PREX1: variants seen among roughly 807,000 people sequenced by gnomAD.
PREX1 encodes phosphatidylinositol 3,4,5-trisphosphate-dependent Rac exchanger 1 protein.
A neutral mutation model predicts 198.3 loss-of-function variants in PREX1; 41 were observed. The observed-to-expected ratio is 0.21, with a 90% CI of 0.16 to 0.27. PREX1 has a LOEUF of 0.27. Ranked by LOEUF, PREX1 falls within the 10% of genes least tolerant of loss-of-function variation. The pLI, the probability that PREX1 is intolerant of heterozygous loss-of-function variation, is 1.00. For missense variants in PREX1, 1,620 were observed against 2,200.7 expected, an observed-to-expected ratio of 0.74 and a Z score of 5.28; for synonymous variants, 843 against 887.2, an observed-to-expected ratio of 0.95 and a Z score of 0.89.
chr20:48,767,120 G>A (rs904993273), intron 1 of PREX1, among the ~76,000 whole-genome samples: 5 of 152,296 alleles, frequency 3.3e-5, no homozygotes, highest in East Asian at 1.9e-4. Flanking sequence ...CCTCGTCCGC[G>A]AAACGGGGAA....
In PREX1 at chr20:48,679,401, C is replaced by T. The variant is rs763369455; in HGVS notation, c.1548G>A (p.Arg516=). 6.2e-7 allele frequency: 1 copy of T among 1,613,450 alleles called. No homozygotes were observed. Among genetic ancestry groups the T allele is most frequent in the South Asian group, 1.1e-5 (1 of 91,012 alleles). The change falls in exon 13 of 40, where the codon AGG becomes AGA. Residue 516 remains arginine, a synonymous_variant. Transcript: ENST00000371941. ...ELEDIMSKGV[R]LYCRLHSLYT... ...AGAGGCTGTGAAGACGGCAGTAAAG[C>T]CTCACACCCTGAAAGAAAAAAGGGG...
chr20:48,818,458 T>C (rs760655359), intron 1 of PREX1, among the ~76,000 whole-genome samples: 6 of 152,154 alleles, frequency 3.9e-5, no homozygotes, highest in Non-Finnish European at 5.9e-5. Context: ...CTAAGTGAGA[T>C]GTAACTGTAA....
At chr20:48,642,513 C>T (rs1438771744) in intron 27 of PREX1, 24 bp from the exon 28 acceptor site, 1 of 1,591,066 alleles carries the variant, frequency 6.3e-7, no homozygotes, top group East Asian at 2.2e-5. Flanking sequence ...GAAGCAGCAG[C>T]CATCAGTCAT....
At chr20:48,784,675 A>T (rs1204525701) in intron 1 of PREX1, among the ~76,000 whole-genome samples, 1 of 152,160 alleles carries the variant, frequency 6.6e-6, no homozygotes, top group Non-Finnish European at 1.5e-5. Flanking sequence ...TGCCCACAGG[A>T]ACTGGGAGCC....
intron 8 of PREX1, 147 bp downstream of exon 8, chr20:48,692,525 C>A: frequency 1.6e-6 from 1 of 608,402 alleles, no homozygotes; most frequent in Non-Finnish European, 2.9e-6. Context: ...CAGATGTTCG[C>A]TTCATGCATC....
At chr20:48,758,468 G>A (rs1306740315) in intron 1 of PREX1, among the ~76,000 whole-genome samples, 1 of 152,206 alleles carries the variant, frequency 6.6e-6, no homozygotes, top group Non-Finnish European at 1.5e-5. Flanking sequence ...GCCCCCCCGA[G>A]CTTGGGGGGG....
intron 16 of PREX1, among the ~76,000 whole-genome samples, chr20:48,658,786 G>T (rs906739671): frequency 1.3e-5 from 2 of 152,174 alleles, no homozygotes; most frequent in African/African-American, 4.8e-5. Context: ...ATAGGGCACG[G>T]CAAGGGGGCA....
upstream of PREX1, among the ~76,000 whole-genome samples, chr20:48,831,185 C>A (rs996791253): frequency 3.3e-5 from 5 of 152,162 alleles, no homozygotes; most frequent in East Asian, 9.6e-4. Flanking sequence ...AAGAAAAGTA[C>A]GAAGAAGACT....
chr20:48,736,535 A>G (rs2090057825), intron 3 of PREX1, among the ~76,000 whole-genome samples: 1 of 152,248 alleles, frequency 6.6e-6, no homozygotes, highest in African/African-American at 2.4e-5. Context: ...AACACTGCCC[A>G]GGCAGACCTT....
intron 22 of PREX1, 87 bp from the exon 23 acceptor site, chr20:48,651,142 G>A (rs2089492869): frequency 5.4e-6 from 8 of 1,493,712 alleles, no homozygotes; most frequent in South Asian, 3.8e-5. Flanking sequence ...TGTACTACTC[G>A]TAATACCCCC....
chr20:48,639,740 A>G, intron 30 of PREX1, 26 bp downstream of exon 30: 1 of 1,611,630 alleles, frequency 6.2e-7, no homozygotes, highest in East Asian at 2.2e-5. Context: ...CCTCCCCACC[A>G]TGATGCACCC....
At chr20:48,760,536 A>T (rs142105968) in intron 1 of PREX1, among the ~76,000 whole-genome samples, 12 of 152,112 alleles carry the variant, frequency 7.9e-5, no homozygotes, top group African/African-American at 2.6e-4. Context: ...GACCAAACAA[A>T]AAGGGGGGGA....
chr20:48,632,221 C>A, intron 35 of PREX1, 56 bp downstream of exon 35: 3 of 1,541,164 alleles, frequency 1.9e-6, no homozygotes, highest in South Asian at 1.1e-5. Context: ...TGCTAATGCC[C>A]ACTCCACGTG....
At chr20:48,750,443 T>C (rs1489216410) in intron 1 of PREX1, among the ~76,000 whole-genome samples, 1 of 152,234 alleles carries the variant, frequency 6.6e-6, no homozygotes, top group Non-Finnish European at 1.5e-5. Context: ...CCCATGATCT[T>C]GTCCTTGTTA....
rs2090307308 is a variant in PREX1 at position 48,785,355 on chromosome 20, G to A, written c.220-37475C>T. ...TGCCCCGCTCCCACACCTGTGATGG[G>A]TGGCAGCCAACACCAGCCCAGAGGA... On this transcript the variant is annotated intron_variant, in intron 1 of 39. Transcript: ENST00000371941. Among the ~76,000 whole-genome samples, 3 of 152,240 alleles carry A rather than the reference G, an allele frequency of 2.0e-5. No homozygotes were observed. The South Asian group carries it at 6.2e-4, about 32-fold the overall frequency.
intron 30 of PREX1, among the ~76,000 whole-genome samples, chr20:48,639,054 G>A (rs960656558): frequency 5.9e-5 from 9 of 152,228 alleles, no homozygotes; most frequent in African/African-American, 1.9e-4. Context: ...CATCTCCCTC[G>A]TCCGGATCCT....
chr20:48,763,964 T>C (rs2090196227), intron 1 of PREX1, among the ~76,000 whole-genome samples: 1 of 152,200 alleles, frequency 6.6e-6, no homozygotes, highest in Non-Finnish European at 1.5e-5. Context: ...AGGTTCTCAG[T>C]GGCTGACGCG....
intron 14 of PREX1, among the ~76,000 whole-genome samples, chr20:48,670,973 G>A (rs576041663): frequency 3.3e-5 from 5 of 152,334 alleles, no homozygotes; most frequent in South Asian, 2.1e-4. Context: ...GCACCAAGCC[G>A]TTCCGGAGCT....
chr20:48,852,629 T>C, the PREX1 span, among the ~76,000 whole-genome samples: 9 of 152,236 alleles, frequency 5.9e-5, no homozygotes, highest in Non-Finnish European at 1.3e-4. Context: ...AGCTCCCATC[T>C]GATGCCCAGC....
Sources: gnomAD v4.1 joint callset for allele counts (sites outside exome capture counted in the v4.1 genomes callset) on GRCh38, gnomAD v4.1.1 for gene constraint, MANE v1.5 for transcripts, NCBI Gene and HGNC (gene_info 2026-07-23, HGNC 2026-07-21) for gene names.